The following ASPH variants were observed in gnomAD, a reference collection of about 807,000 sequenced individuals.
The protein encoded by ASPH is aspartyl/asparaginyl beta-hydroxylase.
A neutral mutation model predicts 118.4 loss-of-function variants in ASPH; 100 were observed. The observed-to-expected ratio is 0.84, with a 90% CI of 0.72 to 1.00. ASPH has a LOEUF of 1.00. Ranked by LOEUF, ASPH falls within the 50% of genes least tolerant of loss-of-function variation. The probability of loss-of-function intolerance (pLI) is 0.00; values close to 1 mark genes in which losing one functional copy is unlikely to be tolerated. For synonymous variants in ASPH, 315 were observed against 325.6 expected (o/e 0.97, Z 0.35); for missense variants, 920 against 919.5 (o/e 1.00, Z -0.01).
chr8:61,598,481 G>T (rs1843040177), intron 14 of ASPH, among the ~76,000 whole-genome samples: 2 of 152,130 alleles, frequency 1.3e-5, no homozygotes, highest in South Asian at 4.1e-4. Context: ...TATGCATCCA[G>T]ATATATAAAG....
chr8:61,658,015 G>T (rs1814675808), intron 3 of ASPH: 1 of 152,166 alleles, frequency 6.6e-6, no homozygotes, highest in Non-Finnish European at 1.5e-5. Context: ...TGTTTCAATT[G>T]CAAGGAGTCT....
chr8:61,666,405 T>A (rs1398501092), intron 3 of ASPH, among the ~76,000 whole-genome samples: 6 of 152,230 alleles, frequency 3.9e-5, no homozygotes, highest in African/African-American at 1.4e-4. Context: ...CTGAATTTCA[T>A]CTGTTTGTAC....
chr8:61,583,497 C>T (rs1375506610), intron 15 of ASPH: 1 of 153,558 alleles, frequency 6.5e-6, no homozygotes, highest in Non-Finnish European at 1.4e-5. Flanking sequence ...TTCCAGTTAG[C>T]CGAGACTGTG....
At chr8:61,625,845 A>G (rs1852566744) in intron 13 of ASPH, 2 of 993,138 alleles carry the variant, frequency 2.0e-6, no homozygotes, top group Non-Finnish European at 2.4e-6. Flanking sequence ...ATCATGTTTA[A>G]CACAGTGTAC....
chr8:61,558,063 A>C (rs890306195), intron 18 of ASPH, among the ~76,000 whole-genome samples: 1 of 152,252 alleles, frequency 6.6e-6, no homozygotes, highest in African/African-American at 2.4e-5. Context: ...AGAAAGATAA[A>C]TGAGATATAC....
chr8:61,540,625 C>T (rs1563749279), intron 21 of ASPH, among the ~76,000 whole-genome samples: 2 of 152,060 alleles, frequency 1.3e-5, no homozygotes, highest in Non-Finnish European at 1.5e-5. Context: ...TTCTTTATAG[C>T]GATGCAAGAA....
chr8:61,643,918 A>AT, intron 8 of ASPH, 27 bp downstream of exon 8: 1 of 1,588,842 alleles, frequency 6.3e-7, no homozygotes, highest in South Asian at 1.1e-5. Context: ...CAGAAAACAC[A>AT]TATCAATAAT....
chr8:61,546,388 A>G (rs1044675267), intron 21 of ASPH, among the ~76,000 whole-genome samples: 2 of 152,228 alleles, frequency 1.3e-5, no homozygotes, highest in Non-Finnish European at 2.9e-5. Flanking sequence ...GAGATCATGA[A>G]TAAAAGATAG....
chr8:61,707,103 C>G (rs1836880027), intron 1 of ASPH, among the ~76,000 whole-genome samples: 1 of 151,854 alleles, frequency 6.6e-6, no homozygotes. Flanking sequence ...CCACAAAGTA[C>G]AAAATGGAAA....
intron 1 of ASPH, among the ~76,000 whole-genome samples, chr8:61,702,271 T>C (rs115127825): frequency 0.013 from 1,925 of 148,766 alleles, 40 homozygotes; most frequent in African/African-American, 0.045. Context: ...TTTTACCAAA[T>C]AGCTACTTCT....
At chr8:61,597,196 GAAAAAAAAAAAA>G (rs34291472) in intron 14 of ASPH, among the ~76,000 whole-genome samples, 1 of 112,804 alleles carries the variant, frequency 8.9e-6, no homozygotes, top group South Asian at 3.2e-4. Context: ...ATCCAGTCAG[GAAAAAAAAAAAA>G]AAAAAAACAA....
intron 22 of ASPH, among the ~76,000 whole-genome samples, chr8:61,520,360 A>G (rs184391153): frequency 3.3e-5 from 5 of 152,354 alleles, no homozygotes; most frequent in African/African-American, 1.2e-4. Context: ...CCTAAAAGAG[A>G]CTGCTACATC....
chr8:61,673,949 A>G (rs1396559388), intron 3 of ASPH, among the ~76,000 whole-genome samples: 1 of 152,230 alleles, frequency 6.6e-6, no homozygotes, highest in African/African-American at 2.4e-5. Flanking sequence ...GGTACAAAAT[A>G]AGTAGCAAAT....
In ASPH at chr8:61,572,198, T is replaced by C. The variant is rs187666033; in HGVS notation, c.1149+4574A>G. 4.3e-3 allele frequency among the ~76,000 whole-genome samples: 649 copies of C among 152,328 alleles called. 3 individuals carry two copies. Among genetic ancestry groups the C allele is most frequent in the Non-Finnish European group, 7.0e-3 (476 of 68,024 alleles). ...TGAGTTAGTTCCTGTGTGTGTCCTGTACAAATGTCTGCATGGACCTTCTCC... is the reference window on the plus strand; with the variant it reads ...TGAGTTAGTTCCTGTGTGTGTCCTGCACAAATGTCTGCATGGACCTTCTCC... On this transcript the variant is annotated intron_variant, in intron 16 of 24. Coordinates refer to ENST00000379454, the MANE Select transcript of ASPH (RefSeq NM_004318.4).
At chr8:61,623,781 C>T (rs556810222) in intron 13 of ASPH, 5 of 152,154 alleles carry the variant, frequency 3.3e-5, no homozygotes, top group Admixed American at 6.5e-5. Flanking sequence ...AAGGGTCTGT[C>T]AACAGACGAA....
intron 21 of ASPH, among the ~76,000 whole-genome samples, chr8:61,534,348 A>G (rs1360896909): frequency 6.6e-6 from 1 of 152,026 alleles, no homozygotes; most frequent in African/African-American, 2.4e-5. Flanking sequence ...TAATCCAACC[A>G]TCTAGTGATG....
At chr8:61,627,593 G>C (rs1236047617) in intron 13 of ASPH, among the ~76,000 whole-genome samples, 1 of 152,176 alleles carries the variant, frequency 6.6e-6, no homozygotes, top group Non-Finnish European at 1.5e-5. Flanking sequence ...TTATTTAAAT[G>C]AGTTTTAGAT....
chr8:61,681,317 T>A (rs1225157704), intron 2 of ASPH, among the ~76,000 whole-genome samples: 1 of 151,804 alleles, frequency 6.6e-6, no homozygotes, highest in Admixed American at 6.6e-5. Flanking sequence ...ATCTAATTAG[T>A]TCAGAATAAT....
At chr8:61,705,978 T>G (rs894445721) in intron 1 of ASPH, among the ~76,000 whole-genome samples, 2 of 152,240 alleles carry the variant, frequency 1.3e-5, no homozygotes, top group African/African-American at 4.8e-5. Context: ...CTCTTTCAAT[T>G]TGGATACATA....
Sources: gnomAD v4.1 joint callset for allele counts (sites outside exome capture counted in the v4.1 genomes callset) on GRCh38, gnomAD v4.1.1 for gene constraint, MANE v1.5 for transcripts, NCBI Gene and HGNC (gene_info 2026-07-23, HGNC 2026-07-21) for gene names.